Variants in PCDHA4 observed in about 807,000 individuals in gnomAD.
PCDHA4 encodes the protein protocadherin alpha 4.
A neutral mutation model predicts 61.4 loss-of-function variants in PCDHA4; 49 were observed. That is an observed-to-expected ratio of 0.80 (90% CI 0.63 to 1.01). PCDHA4 has a LOEUF of 1.01. Among genes scored for constraint, PCDHA4 ranks in the 50% least tolerant of loss-of-function variants. The probability of loss-of-function intolerance (pLI) is 0.00; values close to 1 mark genes in which losing one functional copy is unlikely to be tolerated. For synonymous variants in PCDHA4, 590 were observed against 550.3 expected, an observed-to-expected ratio of 1.07 and a Z score of -1.01; for missense variants, 1,254 against 1,235.8, an observed-to-expected ratio of 1.01 and a Z score of -0.22.
chr5:140,823,452 C>A, intron 1 of PCDHA4: 7 of 1,613,440 alleles, frequency 4.3e-6, no homozygotes, highest in Non-Finnish European at 5.9e-6. Flanking sequence ...ACGAGAACGA[C>A]AACGCGCCGG....
rs782103936 is a variant in PCDHA4 at position 140,808,598 on chromosome 5, G to A, written c.1411G>A (p.Gly471Ser). 3.4e-5 allele frequency: 55 copies of A among 1,613,794 alleles called. No individual in the cohort carries two copies. In the East Asian group the frequency reaches 1.2e-3, roughly 35 times the overall value. ...GTTCGTGAAGGAGAACAACCCGCCGGGCTGCCACATCTTCACTGTGTCTGC... is the reference window on the plus strand; with the variant it reads ...GTTCGTGAAGGAGAACAACCCGCCGAGCTGCCACATCTTCACTGTGTCTGC... Reference protein sequence around the residue: ...TVFVKENNPPGCHIFTVSAWD... With the variant: ...TVFVKENNPPSCHIFTVSAWD... Residue 471 changes from glycine (G) to serine (S), a missense_variant, in exon 1 of 4, where the codon GGC becomes AGC. By Grantham distance (56) the Gly-to-Ser change is moderately conservative (BLOSUM62 0). Coordinates refer to ENST00000530339, the MANE Select transcript of PCDHA4 (RefSeq NM_018907.4).
At chr5:140,979,384 G>A (rs1243693033) in intron 2 of PCDHA4, among the ~76,000 whole-genome samples, 3 of 151,896 alleles carry the variant, frequency 2.0e-5, no homozygotes, top group African/African-American at 7.3e-5. Context: ...ATTGTGCAAT[G>A]TATACATACA....
intron 1 of PCDHA4, among the ~76,000 whole-genome samples, chr5:140,909,839 C>A (rs2074714040): frequency 1.3e-5 from 2 of 152,146 alleles, no homozygotes; most frequent in Admixed American, 6.5e-5. Context: ...GGAGGACCAC[C>A]AGGACGTTTT....
chr5:140,883,362 C>T lies in PCDHA4; in HGVS notation c.2385+73790C>T, dbSNP rs1554177843. ...CTCCCCATCAGAGAAGACACTCAGC[C>T]TAGCGCCATTATTGCCCTAATCAGT... On this transcript the variant is annotated intron_variant, in intron 1 of 3. Transcript: ENST00000530339. The T allele has an allele frequency of 1.7e-5, 27 of 1,614,074 alleles. No homozygotes were observed. Among genetic ancestry groups the T allele is most frequent in the Non-Finnish European group, 2.3e-5 (27 of 1,180,046 alleles).
At chr5:140,960,763 C>A (rs1424215578) in intron 1 of PCDHA4, among the ~76,000 whole-genome samples, 1 of 151,896 alleles carries the variant, frequency 6.6e-6, no homozygotes, top group Non-Finnish European at 1.5e-5. Flanking sequence ...CCAAGAGTTA[C>A]AGAGGAGAAA....
In PCDHA4 at chr5:140,869,699, C is replaced by A. The variant is rs10071369; in HGVS notation, c.2385+60127C>A. On this transcript the variant is annotated intron_variant, in intron 1 of 3. Transcript: ENST00000530339. ...AGACTGTCACTTATTTTAAAGAAGTCTCTGGATAGAGAGAAAACTCCGGAA... is the reference window on the plus strand; with the variant it reads ...AGACTGTCACTTATTTTAAAGAAGTATCTGGATAGAGAGAAAACTCCGGAA... 1,310 of 1,613,374 alleles carry A rather than the reference C, an allele frequency of 8.1e-4. 10 individuals carry two copies. In the African/African-American group the frequency reaches 0.014, roughly 18 times the overall value.
At chr5:140,863,270 T>C (rs1554158046) in intron 1 of PCDHA4, 1 of 1,459,904 alleles carries the variant, frequency 6.8e-7, no homozygotes, top group Admixed American at 1.8e-5. Flanking sequence ...GAGGCAGCGC[T>C]GGTGGATGTC....
rs782205253 is a variant in PCDHA4, at chr5:140,927,557, T to C, written c.2386-51392T>C. 12 of 1,614,028 alleles carry C rather than the reference T, an allele frequency of 7.4e-6. No homozygotes were observed. In the East Asian group the frequency reaches 2.7e-4, roughly 36 times the overall value. On this transcript the variant is annotated intron_variant, in intron 1 of 3. Coordinates refer to ENST00000530339, the MANE Select transcript of PCDHA4 (RefSeq NM_018907.4). ...TCAGGAGACGCACAAGTCACCATCATTGTGGTGGACACAAATGACAACGCG... is the reference window on the plus strand; with the variant it reads ...TCAGGAGACGCACAAGTCACCATCACTGTGGTGGACACAAATGACAACGCG...
At chr5:140,908,041 G>T (rs2073758972) in intron 1 of PCDHA4, among the ~76,000 whole-genome samples, 1 of 152,112 alleles carries the variant, frequency 6.6e-6, no homozygotes, top group Non-Finnish European at 1.5e-5. Context: ...GTATATAATT[G>T]CACATCCGGC....
chr5:140,876,075 C>G, intron 1 of PCDHA4: 1 of 1,613,908 alleles, frequency 6.2e-7, no homozygotes, highest in Non-Finnish European at 8.5e-7. Context: ...AGTTATTGGA[C>G]AGAGAGCAAA....
chr5:140,880,090 G>A (rs977793027), intron 1 of PCDHA4, among the ~76,000 whole-genome samples: 3 of 152,136 alleles, frequency 2.0e-5, no homozygotes, highest in Admixed American at 2.0e-4. Context: ...ATTATAGTAG[G>A]CTTAAAATCA....
chr5:140,884,702 T>C (rs1362804646), intron 1 of PCDHA4: 7 of 1,495,380 alleles, frequency 4.7e-6, no homozygotes, highest in East Asian at 4.7e-5. Context: ...GTAAACACTT[T>C]AGCCTTCCTT....
chr5:140,841,707 AC>A (rs2150321294), intron 1 of PCDHA4: 1 of 1,613,698 alleles, frequency 6.2e-7, no homozygotes. Flanking sequence ...GTTAATGACA[AC>A]CCGCCAGTGT....
intron 1 of PCDHA4, among the ~76,000 whole-genome samples, chr5:140,925,907 C>T (rs937426015): frequency 6.6e-6 from 1 of 151,848 alleles, no homozygotes; most frequent in African/African-American, 2.4e-5. Flanking sequence ...TCGTCAAGGG[C>T]CGTTTGCAAA....
intron 1 of PCDHA4, chr5:140,875,600 C>T: frequency 6.2e-7 from 1 of 1,613,884 alleles, no homozygotes; most frequent in Non-Finnish European, 8.5e-7. Context: ...AAACACGGCA[C>T]CTTCGTGGGC....
chr5:140,823,506 C>T (rs145855942), intron 1 of PCDHA4: 24 of 1,613,158 alleles, frequency 1.5e-5, no homozygotes, highest in Middle Eastern at 3.3e-4. Context: ...GCGCAGTGAG[C>T]GAGCTGGTGC....
chr5:140,945,153 C>T (rs996541335), intron 1 of PCDHA4, among the ~76,000 whole-genome samples: 1 of 152,064 alleles, frequency 6.6e-6, no homozygotes, highest in African/African-American at 2.4e-5. Flanking sequence ...TTTCTATACA[C>T]TATTGAACTA....
chr5:140,816,544 A>G (rs1237815251), intron 1 of PCDHA4: 1 of 150,686 alleles, frequency 6.6e-6, no homozygotes, highest in Non-Finnish European at 1.5e-5. Flanking sequence ...GGCACGCACT[A>G]TTTGATTGGG....
chr5:140,828,646 C>T, intron 1 of PCDHA4: 1 of 1,614,158 alleles, frequency 6.2e-7, no homozygotes, highest in Non-Finnish European at 8.5e-7. Context: ...TGAAAATAAA[C>T]AGTGATGACA....
Sources: gnomAD v4.1 joint callset for allele counts (sites outside exome capture counted in the v4.1 genomes callset) on GRCh38, gnomAD v4.1.1 for gene constraint, MANE v1.5 for transcripts, NCBI Gene and HGNC (gene_info 2026-07-23, HGNC 2026-07-21) for gene names.